ITGBL1: variants seen among roughly 807,000 people sequenced by gnomAD.
ITGBL1 encodes the protein integrin subunit beta like 1.
ITGBL1 carries 51 observed loss-of-function variants against 68.5 expected under a neutral mutation model. The ratio of observed to expected loss-of-function variants is 0.74; its 90% CI spans 0.59 to 0.94. The LOEUF is 0.94. Ranked by LOEUF, ITGBL1 falls within the 40% of genes least tolerant of loss-of-function variation. ITGBL1 has a pLI of 0.00. For missense variants in ITGBL1, 649 were observed against 647.4 expected (o/e 1.00, Z -0.03); for synonymous variants, 209 against 227.3 (o/e 0.92, Z 0.72).
chr13:101,688,462 A>T (rs2033807011), intron 7 of ITGBL1, among the ~76,000 whole-genome samples: 1 of 152,186 alleles, frequency 6.6e-6, no homozygotes, highest in African/African-American at 2.4e-5. Context: ...GGGAACATAA[A>T]GTCTCTGAAC....
At chr13:101,615,008 A>G (rs745872213) in intron 7 of ITGBL1, among the ~76,000 whole-genome samples, 23 of 152,152 alleles carry the variant, frequency 1.5e-4, no homozygotes, top group Non-Finnish European at 2.1e-4. Context: ...GCTGAAAACA[A>G]CAGAAATTTA....
chr13:101,494,602 C>T (rs151330241), intron 2 of ITGBL1, among the ~76,000 whole-genome samples: 85 of 152,234 alleles, frequency 5.6e-4, no homozygotes, highest in African/African-American at 1.9e-3. Flanking sequence ...AAATGCTATA[C>T]ATATGATGGC....
intron 2 of ITGBL1, among the ~76,000 whole-genome samples, chr13:101,495,314 C>T (rs1258865463): frequency 2.0e-5 from 3 of 152,124 alleles, no homozygotes; most frequent in African/African-American, 4.8e-5. Context: ...TGGCCGTTGT[C>T]GTAGCTGTGA....
intron 10 of ITGBL1, 111 bp from the exon 11 acceptor site, chr13:101,715,452 A>AC (rs2034674872): frequency 2.5e-6 from 2 of 794,724 alleles, no homozygotes; most frequent in Non-Finnish European, 4.4e-6. Flanking sequence ...AAGAAAATCT[A>AC]CCAAGGATGA....
intron 7 of ITGBL1, among the ~76,000 whole-genome samples, chr13:101,603,542 T>C (rs2030518197): frequency 6.6e-6 from 1 of 151,946 alleles, no homozygotes; most frequent in African/African-American, 2.4e-5. Flanking sequence ...TTAAAATTCA[T>C]ATCCCTCAGA....
chr13:101,542,949 G>A (rs1267205600), intron 2 of ITGBL1, among the ~76,000 whole-genome samples: 1 of 152,104 alleles, frequency 6.6e-6, no homozygotes, highest in Non-Finnish European at 1.5e-5. Flanking sequence ...GCCTGTGTGT[G>A]TCTCTACACG....
chr13:101,491,202 C>T (rs1272451258), intron 2 of ITGBL1, among the ~76,000 whole-genome samples: 2 of 152,154 alleles, frequency 1.3e-5, no homozygotes, highest in African/African-American at 2.4e-5. Context: ...TAAAATGCAT[C>T]GGTCTTTTTT....
chr13:101,476,306 C>T (rs900572557), intron 2 of ITGBL1, among the ~76,000 whole-genome samples: 4 of 151,974 alleles, frequency 2.6e-5, no homozygotes, highest in African/African-American at 7.2e-5. Context: ...TATTTGCAAG[C>T]TTCATAGTAA....
chr13:101,554,429 G>A (rs2049972558), intron 2 of ITGBL1, among the ~76,000 whole-genome samples: 1 of 152,208 alleles, frequency 6.6e-6, no homozygotes, highest in South Asian at 2.1e-4. Context: ...TCTAGCTGCT[G>A]TCTTACACGA....
At chr13:101,478,070 G>A (rs2048562444) in intron 2 of ITGBL1, among the ~76,000 whole-genome samples, 1 of 151,910 alleles carries the variant, frequency 6.6e-6, no homozygotes, top group Non-Finnish European at 1.5e-5. Flanking sequence ...GATAAGCATT[G>A]GTGCAAAAAT....
intron 2 of ITGBL1, among the ~76,000 whole-genome samples, chr13:101,545,753 T>G (rs1456322483): frequency 1.3e-5 from 2 of 152,154 alleles, no homozygotes; most frequent in Non-Finnish European, 1.5e-5. Flanking sequence ...ACTGGGGCCC[T>G]CTGCTGGGAC....
At chr13:101,698,630 CA>C (rs1246558225) in intron 8 of ITGBL1, among the ~76,000 whole-genome samples, 13 of 152,202 alleles carry the variant, frequency 8.5e-5, no homozygotes, top group Non-Finnish European at 1.6e-4. Flanking sequence ...AGATGTTATG[CA>C]ACCTATGCAT....
At chr13:101,471,781 T>G (rs1339170387) in intron 2 of ITGBL1, among the ~76,000 whole-genome samples, 1 of 152,150 alleles carries the variant, frequency 6.6e-6, no homozygotes, top group Non-Finnish European at 1.5e-5. Flanking sequence ...TAACATGCAC[T>G]TTATATCCAA....
chr13:101,610,391 A>C (rs1441802593), intron 7 of ITGBL1, among the ~76,000 whole-genome samples: 1 of 152,180 alleles, frequency 6.6e-6, no homozygotes, highest in Non-Finnish European at 1.5e-5. Flanking sequence ...TGCCCCTCTT[A>C]GGATACACAA....
At chr13:101,580,800 G>A (rs1233266410) in intron 5 of ITGBL1, among the ~76,000 whole-genome samples, 1 of 152,182 alleles carries the variant, frequency 6.6e-6, no homozygotes, top group African/African-American at 2.4e-5. Context: ...TTAAGGTCAG[G>A]TTCTGCAGCA....
At chr13:101,684,083 T>G (rs1359703273) in intron 7 of ITGBL1, among the ~76,000 whole-genome samples, 4 of 151,998 alleles carry the variant, frequency 2.6e-5, no homozygotes, top group African/African-American at 9.7e-5. Context: ...TAATATTTTC[T>G]TTTTTAGTTA....
intron 2 of ITGBL1, among the ~76,000 whole-genome samples, chr13:101,455,971 T>C (rs1299095554): frequency 1.3e-5 from 2 of 152,196 alleles, no homozygotes; most frequent in South Asian, 4.1e-4. Flanking sequence ...AGATTCACTT[T>C]CCCTGTTGAA....
At chr13:101,702,162 T>G (rs79838492) in intron 8 of ITGBL1, among the ~76,000 whole-genome samples, 1,598 of 152,280 alleles carry the variant, frequency 0.01, 24 homozygotes, top group African/African-American at 0.037. Flanking sequence ...GTTTGTAATA[T>G]TCTATTATTA....
intron 7 of ITGBL1, among the ~76,000 whole-genome samples, chr13:101,607,572 C>G (rs2030929807): frequency 6.6e-6 from 1 of 151,748 alleles, no homozygotes; most frequent in African/African-American, 2.4e-5. Flanking sequence ...ATGTACAAAT[C>G]TCTTAGTATT....
Sources: gnomAD v4.1 joint callset for allele counts (sites outside exome capture counted in the v4.1 genomes callset) on GRCh38, gnomAD v4.1.1 for gene constraint, MANE v1.5 for transcripts, NCBI Gene and HGNC (gene_info 2026-07-23, HGNC 2026-07-21) for gene names.